KCNIP4: variants seen among roughly 807,000 people sequenced by gnomAD.
KCNIP4 encodes potassium voltage-gated channel interacting protein 4.
A neutral mutation model predicts 34.0 loss-of-function variants in KCNIP4; 12 were observed. The observed-to-expected ratio is 0.35, with a 90% confidence interval of 0.23 to 0.57. The LOEUF is 0.57. KCNIP4 is among the 20% of genes least tolerant of loss of function. The pLI is 0.83. For missense variants in KCNIP4, 238 were observed against 311.7 expected, an observed-to-expected ratio of 0.76 and a Z score of 1.78; for synonymous variants, 124 against 102.2, an observed-to-expected ratio of 1.21 and a Z score of -1.29.
At chr4:21,494,941 C>A (rs1732733817) in intron 1 of KCNIP4, among the ~76,000 whole-genome samples, 2 of 151,988 alleles carry the variant, frequency 1.3e-5, no homozygotes, top group South Asian at 4.1e-4. Context: ...AGTTGTGAAT[C>A]TGACATAATA....
At chr4:21,691,691 CT>C (rs36004947) in intron 1 of KCNIP4, among the ~76,000 whole-genome samples, 37 of 103,152 alleles carry the variant, frequency 3.6e-4, no homozygotes, top group South Asian at 3.4e-3. Context: ...AAACGCAGCT[CT>C]TTTTTTTTTT....
chr4:21,378,261 T>G (rs1721163039), intron 1 of KCNIP4, among the ~76,000 whole-genome samples: 1 of 152,224 alleles, frequency 6.6e-6, no homozygotes, highest in South Asian at 2.1e-4. Context: ...TTTCATATAT[T>G]TCACTGCCTC....
intron 1 of KCNIP4, among the ~76,000 whole-genome samples, chr4:21,167,306 C>A (rs1034723183): frequency 1.3e-5 from 2 of 151,998 alleles, no homozygotes; most frequent in African/African-American, 2.4e-5. Flanking sequence ...ATACATATAC[C>A]AAAACTTAGA....
intron 1 of KCNIP4, among the ~76,000 whole-genome samples, chr4:21,086,035 G>A (rs759640671): frequency 6.6e-6 from 1 of 152,146 alleles, no homozygotes; most frequent in Non-Finnish European, 1.5e-5. Context: ...CTGTGGACTG[G>A]AACGTGGATA....
intron 1 of KCNIP4, among the ~76,000 whole-genome samples, chr4:20,992,605 C>T (rs1737177531): frequency 6.6e-6 from 1 of 152,086 alleles, no homozygotes; most frequent in South Asian, 2.1e-4. Context: ...ACCCCACATA[C>T]AATTATCACC....
intron 1 of KCNIP4, among the ~76,000 whole-genome samples, chr4:21,495,440 A>G (rs1732772847): frequency 6.6e-6 from 1 of 152,100 alleles, no homozygotes; most frequent in Non-Finnish European, 1.5e-5. Flanking sequence ...GCTCTCTCCA[A>G]TCTTTGTGAG....
chr4:21,790,781 G>T (rs1232153663), intron 1 of KCNIP4, among the ~76,000 whole-genome samples: 3 of 151,750 alleles, frequency 2.0e-5, no homozygotes, highest in Admixed American at 2.0e-4. Flanking sequence ...TGGAATGACC[G>T]ATTTGCACAA....
At chr4:20,852,716 C>T (rs962434084) in intron 2 of KCNIP4, among the ~76,000 whole-genome samples, 4 of 152,202 alleles carry the variant, frequency 2.6e-5, no homozygotes, top group African/African-American at 9.6e-5. Flanking sequence ...TGATTGTTTA[C>T]CTTGAAAACC....
intron 1 of KCNIP4, among the ~76,000 whole-genome samples, chr4:21,789,729 G>A (rs533721133): frequency 1.3e-5 from 2 of 152,164 alleles, no homozygotes; most frequent in African/African-American, 4.8e-5. Context: ...GTAGATTATT[G>A]TTTTTGTGCC....
At chr4:21,306,010 C>T (rs999914072) in intron 1 of KCNIP4, among the ~76,000 whole-genome samples, 1 of 152,178 alleles carries the variant, frequency 6.6e-6, no homozygotes, top group African/African-American at 2.4e-5. Context: ...ACTACTGTGC[C>T]TCCATGGAGG....
intron 1 of KCNIP4, among the ~76,000 whole-genome samples, chr4:21,060,742 T>C (rs1277352856): frequency 6.6e-6 from 1 of 152,104 alleles, no homozygotes; most frequent in Admixed American, 6.6e-5. Context: ...CCTGAAGAGA[T>C]TGCTGAAGCA....
At chr4:21,779,216 T>C (rs1354497064) in intron 1 of KCNIP4, among the ~76,000 whole-genome samples, 1 of 152,188 alleles carries the variant, frequency 6.6e-6, no homozygotes, top group African/African-American at 2.4e-5. Flanking sequence ...AAGGATATTA[T>C]AAACTTGCAG....
chr4:21,269,891 G>A (rs917828817), intron 1 of KCNIP4, among the ~76,000 whole-genome samples: 1 of 152,124 alleles, frequency 6.6e-6, no homozygotes, highest in Admixed American at 6.5e-5. Context: ...ATGATTTTAA[G>A]AATTGGTTTT....
Position 21,519,573 on chromosome 4 carries a change from CAT to C in KCNIP4, c.61+428996_61+428997del, listed in dbSNP as rs1491095717. Among the ~76,000 whole-genome samples the C allele has an allele frequency of 2.6e-4, 9 of 34,406 alleles. 1 individual carries two copies. Among genetic ancestry groups the C allele is most frequent in the African/African-American group, 6.2e-4 (5 of 8,012 alleles). 22.6% of individuals were successfully genotyped at this position (34,406 alleles called of 152,430 possible). A position where few individuals can be genotyped will look rare whatever the true frequency, so the allele number is the denominator to read the frequency against. On this transcript the variant is annotated intron_variant, in intron 1 of 8. Transcript: ENST00000382152. ...ATATGTGTGTATGTGTATATATACA[CAT>C]ATGTGTGTGTATGTATGTGTATATA...
At chr4:21,242,929 C>T (rs541236026) in intron 1 of KCNIP4, among the ~76,000 whole-genome samples, 3,162 of 147,350 alleles carry the variant, frequency 0.021, 53 homozygotes, top group Non-Finnish European at 0.031. Flanking sequence ...TTGCTTTTTT[C>T]CTCTGGAGAA....
intron 1 of KCNIP4, among the ~76,000 whole-genome samples, chr4:20,941,937 C>A (rs1560587805): frequency 6.6e-6 from 1 of 152,118 alleles, no homozygotes; most frequent in Non-Finnish European, 1.5e-5. Flanking sequence ...AACAACACCA[C>A]AATATATGCA....
chr4:21,556,303 A>G (rs752339979), intron 1 of KCNIP4, among the ~76,000 whole-genome samples: 2 of 152,174 alleles, frequency 1.3e-5, no homozygotes, highest in African/African-American at 4.8e-5. Flanking sequence ...TATTAGGTAC[A>G]TGATTCAGTT....
At chr4:21,420,720 G>A (rs1052543692) in intron 1 of KCNIP4, among the ~76,000 whole-genome samples, 3 of 152,052 alleles carry the variant, frequency 2.0e-5, no homozygotes, top group African/African-American at 4.8e-5. Context: ...AAAGCTTCTC[G>A]ACATTGATCT....
At chr4:21,177,329 C>T (rs757817106) in intron 1 of KCNIP4, among the ~76,000 whole-genome samples, 3 of 152,036 alleles carry the variant, frequency 2.0e-5, no homozygotes, top group African/African-American at 7.2e-5. Context: ...AGAATAAACA[C>T]AAACTATGCT....
Sources: allele counts gnomAD v4.1 joint callset (sites outside exome capture counted in the v4.1 genomes callset), GRCh38; gene constraint gnomAD v4.1.1; transcripts MANE v1.5; gene names NCBI Gene and HGNC (gene_info 2026-07-23, HGNC 2026-07-21).